RALGDS: variants seen among roughly 807,000 people sequenced by gnomAD.
RALGDS encodes ral guanine nucleotide dissociation stimulator.
A neutral mutation model predicts 99.8 loss-of-function variants in RALGDS; 44 were observed. The observed-to-expected ratio is 0.44, with a 90% CI of 0.35 to 0.57. RALGDS has a LOEUF of 0.57. RALGDS is among the 20% of genes least tolerant of loss of function. RALGDS has a pLI of 0.01. For synonymous variants in RALGDS, 529 were observed against 505.0 expected (o/e 1.05, Z -0.64); for missense variants, 1,022 against 1,203.1 (o/e 0.85, Z 2.23).
chr9:133,102,543 G>C lies in RALGDS; in HGVS notation c.1942C>G (p.Pro648Ala), dbSNP rs769921559. 3 of 1,614,116 alleles carry C rather than the reference G, an allele frequency of 1.9e-6. No individual in the cohort carries two copies. The highest frequency in any genetic ancestry group is 4.5e-5 in the East Asian group (2 of 44,884). ...SYNLSCELEP[P>A]SESASNTLRT... ...AGGGTGTTGCTGGCTGACTCGGATG[G>C]GGGCTCCAGCTCGCACGACAGGTTG... The change falls in exon 14 of 18, where the codon CCA (proline) becomes GCA (alanine). Residue 648 changes from proline to alanine, a missense_variant. This residue lies in a region of RALGDS where 825 missense variants were observed against 994.5 expected (regional missense o/e 0.83). Coordinates refer to ENST00000372050, the MANE Select transcript of RALGDS (RefSeq NM_006266.4).
intron 1 of RALGDS, chr9:133,130,908 G>T: frequency 6.7e-7 from 1 of 1,491,402 alleles, no homozygotes; most frequent in Non-Finnish European, 9.0e-7. Flanking sequence ...GCCCAGAGAT[G>T]CCAGGGCGAA....
chr9:133,130,206 G>A (rs557883391), intron 1 of RALGDS, among the ~76,000 whole-genome samples: 146 of 152,274 alleles, frequency 9.6e-4, no homozygotes, highest in African/African-American at 3.4e-3. Flanking sequence ...TCCTGACCTC[G>A]TGATATGCCT....
chr9:133,107,772 G>A (rs1283295797), intron 6 of RALGDS, among the ~76,000 whole-genome samples: 4 of 152,252 alleles, frequency 2.6e-5, no homozygotes, highest in Admixed American at 6.5e-5. Context: ...TCTAGAATCT[G>A]CACAGTCACT....
At chr9:133,111,987 G>C in intron 2 of RALGDS, 55 bp downstream of exon 2, 1 of 1,375,986 alleles carries the variant, frequency 7.3e-7, no homozygotes, top group Non-Finnish European at 1.0e-6. Context: ...AAGTGAAAAA[G>C]TCCTGGGAGG....
Position 133,102,851 on chromosome 9 carries a change from T to G in RALGDS, c.1841A>C (p.Asn614Thr), listed in dbSNP as rs1830826132. 1.2e-6 allele frequency: 2 copies of G among 1,613,616 alleles called. No individual in the cohort carries two copies. Among genetic ancestry groups the G allele is most frequent in the African/African-American group, 2.7e-5 (2 of 74,958 alleles). ...QIKLLQSACN[N>T]YSIAPDEQFG... is the part of the protein sequence containing the mutation. ...TTGCTCATCTGGCGCGATGCTGTAG[T>G]TGTTGCAGGCCGACTGCAGCAGCTT... Residue 614 changes from asparagine to threonine, a missense_variant, in exon 13 of 18, where the codon AAC (asparagine) becomes ACC (threonine). Around this residue, in one of 3 missense-constraint regions of RALGDS, gnomAD observed 825 missense variants for 994.5 expected, o/e 0.83. Transcript: ENST00000372050.
At chr9:133,110,091 C>T (rs1243145148) in intron 3 of RALGDS, among the ~76,000 whole-genome samples, 1 of 152,194 alleles carries the variant, frequency 6.6e-6, no homozygotes, top group Non-Finnish European at 1.5e-5. Flanking sequence ...CCCTACAGGG[C>T]CAGGCGTTGA....
chr9:133,104,478 C>G (rs558847795), intron 9 of RALGDS, 147 bp from the exon 10 acceptor site: 1 of 709,048 alleles, frequency 1.4e-6, no homozygotes, highest in Admixed American at 2.2e-5. Flanking sequence ...GTGGCCTGGC[C>G]TTCCTGAGCC....
chr9:133,140,917 C>G (rs1832510614), intron 1 of RALGDS, among the ~76,000 whole-genome samples: 1 of 152,180 alleles, frequency 6.6e-6, no homozygotes, highest in Non-Finnish European at 1.5e-5. Flanking sequence ...TGCCCTGCCC[C>G]TCCTCCTGTG....
Position 133,121,211 on chromosome 9 carries a change from C to A in RALGDS, c.-57G>T, listed in dbSNP as rs2119216859. 1 of 985,456 alleles carries A rather than the reference C, an allele frequency of 1.0e-6. No homozygotes were observed. The highest frequency in any genetic ancestry group is 1.8e-5 in the African/African-American group (1 of 56,606). 61.0% of individuals were successfully genotyped at this position (985,456 alleles called of 1,614,324 possible). On this transcript the variant is annotated 5_prime_UTR_variant, in exon 1 of 18. Coordinates refer to ENST00000372050, the MANE Select transcript of RALGDS (RefSeq NM_006266.4). ...CCGGCGCGCGGCGGGGGCGGCGGCGCGGCCCGCGCGGCTGGGCTTTGCCAC... is the reference window on the plus strand; with the variant it reads ...CCGGCGCGCGGCGGGGGCGGCGGCGAGGCCCGCGCGGCTGGGCTTTGCCAC...
intron 1 of RALGDS, among the ~76,000 whole-genome samples, chr9:133,113,626 C>T (rs1831456167): frequency 6.6e-6 from 1 of 152,226 alleles, no homozygotes; most frequent in Non-Finnish European, 1.5e-5. Flanking sequence ...TACGCTCACC[C>T]CCCTTTTCCT....
rs529615868 is a variant in RALGDS, at chr9:133,103,810, G to A, written c.1695C>T (p.Pro565=). The stretch of plus-strand genomic sequence containing the variant: ...GGTCGGTGAGGAACGTGCCCAGGTA[G>A]GGAACGGTGCCCTGGATGATGCCCT... ...KETGIIQGTV[P]YLGTFLTDLV... is the part of the protein sequence containing the mutation. The change falls in exon 11 of 18, where the codon CCC becomes CCT. Residue 565 remains proline (P), a synonymous_variant. Coordinates refer to ENST00000372050, the MANE Select transcript of RALGDS (RefSeq NM_006266.4). The A allele has an allele frequency of 1.2e-6, 2 of 1,613,290 alleles. No homozygotes were observed. Among genetic ancestry groups the A allele is most frequent in the Admixed American group, 1.7e-5 (1 of 60,022 alleles).
rs554805734 is a variant in RALGDS, at chr9:133,116,211, C to T, written c.184-4059G>A. On this transcript the variant is annotated intron_variant, in intron 1 of 17. Transcript: ENST00000372050. Reference sequence around the variant, plus strand: ...GGGTGGACCCAACCCTGATCCCCAGCGCACAGACAAAGCATCAAGATGACA... The same window carrying T: ...GGGTGGACCCAACCCTGATCCCCAGTGCACAGACAAAGCATCAAGATGACA... Among the ~76,000 whole-genome samples, 25 of 152,354 alleles carry T rather than the reference C, an allele frequency of 1.6e-4. No individual in the cohort carries two copies. The South Asian group carries it at 2.3e-3, about 14-fold the overall frequency.
At chr9:133,122,541 C>T (rs184807288), upstream of RALGDS, among the ~76,000 whole-genome samples, 115 of 152,302 alleles carry the variant, frequency 7.6e-4, 2 homozygotes, top group Admixed American at 4.6e-3. Flanking sequence ...TGGAGTGAGG[C>T]GGCAGTTCAT....
chr9:133,119,428 T>C (rs1480030429), intron 1 of RALGDS, among the ~76,000 whole-genome samples: 1 of 151,850 alleles, frequency 6.6e-6, no homozygotes, highest in Non-Finnish European at 1.5e-5. Context: ...GATTTCTAAA[T>C]AGCAGTCGAG....
intron 11 of RALGDS, 48 bp from the exon 12 acceptor site, chr9:133,103,310 T>C (rs1319971618): frequency 1.9e-6 from 3 of 1,610,480 alleles, no homozygotes; most frequent in Non-Finnish European, 2.5e-6. Context: ...CCCTTGACCA[T>C]TACAGTCTCC....
chr9:133,103,558 C>A, intron 11 of RALGDS, 189 bp downstream of exon 11: 1 of 727,548 alleles, frequency 1.4e-6, no homozygotes. Context: ...GGGTCACTGC[C>A]TGAGGGATGG....
In RALGDS at chr9:133,098,296, G is replaced by A. The variant is rs768006879; in HGVS notation, c.*291C>T. 15 of 485,188 alleles carry A rather than the reference G, an allele frequency of 3.1e-5. No homozygotes were observed. Among genetic ancestry groups the A allele is most frequent in the South Asian group, 8.2e-5 (4 of 48,930 alleles). 30.1% of individuals were successfully genotyped at this position (485,188 alleles called of 1,614,324 possible). On this transcript the variant is annotated 3_prime_UTR_variant, in exon 18 of 18. Transcript: ENST00000372050. Reference sequence around the variant, plus strand: ...AGGGAAGTGTACAGAGGTGGCGCCCGGGGGCAGGCAGGGCACCATGCCATG... The same window carrying A: ...AGGGAAGTGTACAGAGGTGGCGCCCAGGGGCAGGCAGGGCACCATGCCATG...
chr9:133,117,177 C>G (rs1831649824), intron 1 of RALGDS, among the ~76,000 whole-genome samples: 1 of 152,220 alleles, frequency 6.6e-6, no homozygotes, highest in Admixed American at 6.5e-5. Context: ...CAGCTGCTAC[C>G]TGTCCACTGT....
chr9:133,101,285 A>C, intron 16 of RALGDS: 1 of 1,364,164 alleles, frequency 7.3e-7, no homozygotes, highest in Non-Finnish European at 9.8e-7. Context: ...CACCTCCCCT[A>C]CAGCACCGCC....
Sources: gnomAD v4.1 joint callset for allele counts (sites outside exome capture counted in the v4.1 genomes callset) on GRCh38, gnomAD v4.1.1 for gene constraint, gnomAD v4.1.1 regional missense constraint, MANE v1.5 for transcripts, NCBI Gene and HGNC (gene_info 2026-07-23, HGNC 2026-07-21) for gene names.